Variants in CAMTA1 observed in about 807,000 individuals in gnomAD.
CAMTA1 encodes calmodulin binding transcription activator 1, also known as calmodulin-binding transcription activator 1.
Under a neutral mutation model 170.9 loss-of-function variants are expected in CAMTA1, and 27 were observed. That is an observed-to-expected ratio of 0.16 (90% CI 0.12 to 0.22). CAMTA1 has a LOEUF of 0.22. Ranked by LOEUF, CAMTA1 falls within the 10% of genes least tolerant of loss-of-function variation. The pLI is 1.00. For missense variants in CAMTA1, 1,619 were observed against 2,217.2 expected (o/e 0.73, Z 5.42); for synonymous variants, 833 against 891.5 (o/e 0.93, Z 1.17).
chr1:7,734,251 G>A (rs2096754740), intron 12 of CAMTA1, among the ~76,000 whole-genome samples: 1 of 152,164 alleles, frequency 6.6e-6, no homozygotes, highest in Admixed American at 6.6e-5. Flanking sequence ...CCGGCCGATA[G>A]TACTAAGTTT....
At chr1:6,812,064 C>G (rs1342741194) in intron 1 of CAMTA1, among the ~76,000 whole-genome samples, 1 of 152,242 alleles carries the variant, frequency 6.6e-6, no homozygotes, top group Non-Finnish European at 1.5e-5. Flanking sequence ...TTCAGGATGT[C>G]TCCCTCCCAG....
At chr1:7,763,192 CAG>C (rs1372601871) in intron 22 of CAMTA1, among the ~76,000 whole-genome samples, 2 of 152,180 alleles carry the variant, frequency 1.3e-5, no homozygotes, top group African/African-American at 4.8e-5. Context: ...CATAAAGTAA[CAG>C]ATATTAAGTA....
chr1:6,940,228 T>C (rs1557860367), intron 3 of CAMTA1, among the ~76,000 whole-genome samples: 1 of 152,366 alleles, frequency 6.6e-6, no homozygotes, highest in East Asian at 1.9e-4. Flanking sequence ...AGAAGTCCCA[T>C]GATCTACTCT....
At chr1:6,902,089 A>AT (rs1403851936) in intron 3 of CAMTA1, among the ~76,000 whole-genome samples, 3 of 151,504 alleles carry the variant, frequency 2.0e-5, no homozygotes, top group Admixed American at 6.6e-5. Flanking sequence ...AAAAATAAAA[A>AT]TAAAAACTCG....
chr1:7,382,074 C>T lies in CAMTA1; in HGVS notation c.439-85756C>T, dbSNP rs377133593. ...GCTGCTTGAGTTCAAGCCATAGTGC[C>T]TGCATTCCAGCCAGCAGGAAAGGAG... On this transcript the variant is annotated intron_variant, in intron 5 of 22. Transcript: ENST00000303635. Among the ~76,000 whole-genome samples the T allele has an allele frequency of 4.6e-5, 7 of 152,324 alleles. No individual in the cohort carries two copies. The East Asian group carries it at 7.7e-4, about 17-fold the overall frequency.
chr1:7,037,886 T>C (rs1000627224), intron 3 of CAMTA1, among the ~76,000 whole-genome samples: 7 of 150,662 alleles, frequency 4.6e-5, no homozygotes, highest in Non-Finnish European at 1.0e-4. Context: ...CACACACTGT[T>C]ACTAGGAATA....
intron 5 of CAMTA1, among the ~76,000 whole-genome samples, chr1:7,446,903 A>G (rs1284111785): frequency 6.6e-6 from 1 of 152,192 alleles, no homozygotes; most frequent in African/African-American, 2.4e-5. Context: ...GAGTATAAAC[A>G]GCTTTCAGTG....
At position 6,887,726 on chromosome 1, in the gene CAMTA1, C is replaced by T. The variant is rs1244135155; in HGVS notation, c.234+62516C>T. On this transcript the variant is annotated intron_variant, in intron 3 of 22. Transcript: ENST00000303635. The surrounding 1 kb of genome is among the most constrained non-coding windows in gnomAD (Gnocchi z 4.1). ...ACAGAGCTGGAGCCATGAGGGCTGA[C>T]ACATTGGAATGAAAGCTGGCAGAAT... 4 of 1,535,292 alleles carry T rather than the reference C, an allele frequency of 2.6e-6. No individual in the cohort carries two copies. The highest frequency in any genetic ancestry group is 3.5e-6 in the Non-Finnish European group (4 of 1,146,584).
chr1:7,118,919 T>C (rs1053383090), intron 4 of CAMTA1, among the ~76,000 whole-genome samples: 1 of 152,214 alleles, frequency 6.6e-6, no homozygotes, highest in Non-Finnish European at 1.5e-5. Context: ...ACGAGCTGAC[T>C]TCAGAAGCTG....
intron 5 of CAMTA1, among the ~76,000 whole-genome samples, chr1:7,420,289 G>A (rs912785077): frequency 6.6e-6 from 1 of 152,058 alleles, no homozygotes; most frequent in African/African-American, 2.4e-5. Context: ...CACCCCAGCG[G>A]AGAGACCTTT....
rs1381734752 is a variant in CAMTA1, at chr1:7,635,934, A to G, written c.511-4466A>G. Among the ~76,000 whole-genome samples, 1 of 152,242 alleles carries G rather than the reference A, an allele frequency of 6.6e-6. No homozygotes were observed. Among genetic ancestry groups the G allele is most frequent in the African/African-American group, 2.4e-5 (1 of 41,458 alleles). On this transcript the variant is annotated intron_variant, in intron 6 of 22. Coordinates refer to ENST00000303635, the MANE Select transcript of CAMTA1 (RefSeq NM_015215.4). The surrounding 1 kb of genome is among the most constrained non-coding windows in gnomAD (Gnocchi z 4.4). ...AAATACCTCCATCAGCCCATGTCTG[A>G]AAACCAGCCCCACGCCAGGAAATCG... is the stretch of plus-strand genomic sequence containing the variant.
chr1:7,103,622 C>CA lies in CAMTA1; in HGVS notation c.302+12252dup, dbSNP rs369270123. Among the ~76,000 whole-genome samples, 73 of 147,360 alleles carry CA rather than the reference C, an allele frequency of 5.0e-4. 1 individual carries two copies. The highest frequency in any genetic ancestry group is 1.3e-3 in the African/African-American group (52 of 39,642). ...ACATGTACACAACTACACACACGCA[C>CA]ACACAACTACACACACGCACACACA... On this transcript the variant is annotated intron_variant, in intron 4 of 22. Transcript: ENST00000303635.
At position 7,588,897 on chromosome 1, in the gene CAMTA1, G is replaced by A. The variant is rs77087082; in HGVS notation, c.511-51503G>A. On this transcript the variant is annotated intron_variant, in intron 6 of 22. Transcript: ENST00000303635. The surrounding 1 kb of genome is among the most constrained non-coding windows in gnomAD (Gnocchi z 5.8). ...GCACCAGGGCAACCCCGCATCAGGT[G>A]CTTATTATTTTCTGCCACGATCAGG... Among the ~76,000 whole-genome samples the A allele has an allele frequency of 4.4e-3, 677 of 152,308 alleles. 41 individuals are homozygous for A. In the East Asian group the frequency reaches 0.12, roughly 26 times the overall value.
intron 6 of CAMTA1, among the ~76,000 whole-genome samples, chr1:7,560,825 G>A (rs974943297): frequency 1.3e-5 from 2 of 151,968 alleles, no homozygotes; most frequent in Admixed American, 1.3e-4. Flanking sequence ...GTGGGGAAGA[G>A]AGAACACACA....
chr1:7,526,525 C>T (rs1313410922), intron 6 of CAMTA1, among the ~76,000 whole-genome samples: 1 of 152,196 alleles, frequency 6.6e-6, no homozygotes, highest in South Asian at 2.1e-4. Context: ...TGTGAGCTGG[C>T]CTCGTCGGGG....
chr1:7,054,581 C>T (rs12133505), intron 3 of CAMTA1, among the ~76,000 whole-genome samples: 17,211 of 152,190 alleles, frequency 0.11, 1,223 homozygotes, highest in South Asian at 0.22. Context: ...CTGTGCATGC[C>T]GGTGGTGAGG....
chr1:7,023,969 C>T (rs568152886), intron 3 of CAMTA1, among the ~76,000 whole-genome samples: 11 of 146,228 alleles, frequency 7.5e-5, no homozygotes, highest in African/African-American at 2.8e-4. Context: ...GTGGAGCTTG[C>T]AGTGAGCCAA....
intron 11 of CAMTA1, among the ~76,000 whole-genome samples, chr1:7,690,979 C>T (rs1172273417): frequency 6.6e-6 from 1 of 152,194 alleles, no homozygotes; most frequent in Non-Finnish European, 1.5e-5. Context: ...CCAGGCACTG[C>T]GTCACGTGAT....
rs183971358 is a variant in CAMTA1, at chr1:6,829,390, T to C, written c.234+4180T>C. Among the ~76,000 whole-genome samples, 248 of 152,326 alleles carry C rather than the reference T, an allele frequency of 1.6e-3. 1 individual carries two copies. The highest frequency in any genetic ancestry group is 3.4e-3 in the Middle Eastern group (1 of 294). ...GAATACCTAAAATCCTTTCCCTTCT[T>C]GGATGTTATTTGCAATTGCAGAATA... is the stretch of plus-strand genomic sequence containing the variant. On this transcript the variant is annotated intron_variant, in intron 3 of 22. Coordinates refer to ENST00000303635, the MANE Select transcript of CAMTA1 (RefSeq NM_015215.4).
Sources: allele counts gnomAD v4.1 joint callset (sites outside exome capture counted in the v4.1 genomes callset), GRCh38; gene constraint gnomAD v4.1.1; non-coding constraint Gnocchi (gnomAD v3.1); transcripts MANE v1.5; gene names NCBI Gene and HGNC (gene_info 2026-07-23, HGNC 2026-07-21).